The following CWC27 variants were observed in gnomAD, a reference collection of about 807,000 sequenced individuals.
CWC27 encodes the protein CWC27 spliceosome associated cyclophilin, also known as spliceosome-associated protein CWC27 homolog.
A neutral mutation model predicts 63.6 loss-of-function variants in CWC27; 47 were observed. The ratio of observed to expected loss-of-function variants is 0.74; its 90% CI spans 0.58 to 0.94. The LOEUF is 0.94. Among genes scored for constraint, CWC27 ranks in the 40% least tolerant of loss-of-function variants. The pLI, the probability that CWC27 is intolerant of heterozygous loss-of-function variation, is 0.00. For synonymous variants in CWC27, 175 were observed against 179.8 expected (o/e 0.97, Z 0.22); for missense variants, 495 against 554.3 (o/e 0.89, Z 1.07).
chr5:65,003,605 A>T lies in CWC27; in HGVS notation c.1257-14554A>T, dbSNP rs191389262. On this transcript the variant is annotated intron_variant, in intron 13 of 13. Coordinates refer to ENST00000381070, the MANE Select transcript of CWC27 (RefSeq NM_005869.4). ...TTGTGGTCTAGTGGGGAAATCCCTC[A>T]ATTTTTGTTTGTCTGGAAAAGACTT... is the stretch of plus-strand genomic sequence containing the variant. 9.2e-5 allele frequency among the ~76,000 whole-genome samples: 14 copies of T among 152,228 alleles called. No individual in the cohort carries two copies. In the East Asian group the frequency reaches 2.5e-3, roughly 27 times the overall value.
At chr5:65,004,861 C>CATATATATATATATAT (rs1170127729) in intron 13 of CWC27, among the ~76,000 whole-genome samples, 4 of 45,480 alleles carry the variant, frequency 8.8e-5, no homozygotes, top group Non-Finnish European at 1.2e-4. Context: ...AAGACTTTTT[C>CATATATATATATATAT]ATATATATAT....
chr5:64,862,550 C>T (rs1746435517), intron 10 of CWC27, among the ~76,000 whole-genome samples: 1 of 152,074 alleles, frequency 6.6e-6, no homozygotes, highest in South Asian at 2.1e-4. Flanking sequence ...TATAACCATA[C>T]TAAAATTCAT....
At chr5:64,846,966 T>C (rs1580669534) in intron 10 of CWC27, among the ~76,000 whole-genome samples, 1 of 136,588 alleles carries the variant, frequency 7.3e-6, no homozygotes, top group African/African-American at 2.8e-5. Flanking sequence ...TGCACTCCAG[T>C]CTGGGTGACA....
chr5:64,910,713 G>A (rs985516586), intron 11 of CWC27, among the ~76,000 whole-genome samples: 5 of 152,176 alleles, frequency 3.3e-5, no homozygotes, highest in Admixed American at 6.5e-5. Context: ...TCAGACTGCC[G>A]CACTAGCAGT....
At chr5:64,920,836 TTCTC>T (rs1274260515) in intron 11 of CWC27, among the ~76,000 whole-genome samples, 2 of 152,166 alleles carry the variant, frequency 1.3e-5, no homozygotes, top group Admixed American at 1.3e-4. Flanking sequence ...TATTTGGATC[TTCTC>T]TCTTTTTTTT....
At chr5:64,988,186 G>A (rs1749470926) in intron 13 of CWC27, among the ~76,000 whole-genome samples, 1 of 152,044 alleles carries the variant, frequency 6.6e-6, no homozygotes, top group Non-Finnish European at 1.5e-5. Context: ...TTATGTTGAA[G>A]CTTTCTGTCT....
chr5:64,826,126 T>A (rs550017472), intron 10 of CWC27, among the ~76,000 whole-genome samples: 116 of 152,154 alleles, frequency 7.6e-4, no homozygotes, highest in Admixed American at 3.1e-3. Context: ...CATCCATCAA[T>A]TATCTATTTA....
At chr5:64,788,877 C>G in intron 6 of CWC27, 74 bp from the exon 7 acceptor site, 1 of 981,128 alleles carries the variant, frequency 1.0e-6, no homozygotes, top group Non-Finnish European at 1.5e-6. Flanking sequence ...TTCTCTTGCT[C>G]TGAAAATAAG....
intron 10 of CWC27, among the ~76,000 whole-genome samples, chr5:64,847,165 T>C (rs925858762): frequency 1.3e-5 from 2 of 152,102 alleles, no homozygotes; most frequent in Admixed American, 1.3e-4. Context: ...CTTTTAAGGA[T>C]ACACATAGAT....
intron 13 of CWC27, among the ~76,000 whole-genome samples, chr5:64,983,097 G>T (rs1009327548): frequency 7.2e-5 from 11 of 152,082 alleles, no homozygotes; most frequent in African/African-American, 2.7e-4. Context: ...CACAAAACTG[G>T]TTCCTGGTGC....
At chr5:64,848,736 C>T (rs1746052881) in intron 10 of CWC27, among the ~76,000 whole-genome samples, 1 of 152,048 alleles carries the variant, frequency 6.6e-6, no homozygotes, top group African/African-American at 2.4e-5. Context: ...AGTATAAAAA[C>T]CATGTGATCA....
At chr5:64,928,223 G>A (rs965623572) in intron 11 of CWC27, among the ~76,000 whole-genome samples, 4 of 151,024 alleles carry the variant, frequency 2.6e-5, no homozygotes, top group Middle Eastern at 3.2e-3. Context: ...ATTCCCTTAA[G>A]GAACTTGATT....
intron 10 of CWC27, among the ~76,000 whole-genome samples, chr5:64,841,794 G>GA (rs1745850400): frequency 6.6e-6 from 1 of 152,148 alleles, no homozygotes; most frequent in Non-Finnish European, 1.5e-5. Context: ...TCCTGCCTCA[G>GA]CCTCCTGAGT....
intron 7 of CWC27, among the ~76,000 whole-genome samples, chr5:64,799,200 G>T (rs1036026687): frequency 6.6e-6 from 1 of 152,142 alleles, no homozygotes; most frequent in East Asian, 1.9e-4. Flanking sequence ...GTAAAATGGG[G>T]CTAATAATTC....
In CWC27 at chr5:64,769,033, A is replaced by G; in HGVS notation, c.-114A>G. On this transcript the variant is annotated 5_prime_UTR_variant, in exon 1 of 14. Transcript: ENST00000381070. ...GTCTTGCGTGATATTGACAAACTGA[A>G]GCTTTCCTGCACCACTGGACTTAAG... 1 of 854,446 alleles carries G rather than the reference A, an allele frequency of 1.2e-6. No homozygotes were observed. Among genetic ancestry groups the G allele is most frequent in the Non-Finnish European group, 2.0e-6 (1 of 510,448 alleles). The allele number at this position is 854,446 out of a possible 1,614,324, so 52.9% of individuals were successfully genotyped here.
At chr5:65,001,224 A>G (rs1266849608) in intron 13 of CWC27, among the ~76,000 whole-genome samples, 1 of 152,082 alleles carries the variant, frequency 6.6e-6, no homozygotes, top group Non-Finnish European at 1.5e-5. Context: ...TGTTTTGTGG[A>G]GTCTTCAGGT....
intron 4 of CWC27, among the ~76,000 whole-genome samples, chr5:64,784,566 T>A (rs113348487): frequency 7.2e-4 from 110 of 152,298 alleles, no homozygotes; most frequent in African/African-American, 2.6e-3. Flanking sequence ...TTTTAAGTCT[T>A]AGGCATATCG....
chr5:64,796,922 T>C (rs1302618172), intron 7 of CWC27, among the ~76,000 whole-genome samples: 1 of 147,678 alleles, frequency 6.8e-6, no homozygotes, highest in African/African-American at 2.5e-5. Flanking sequence ...CTTTCTTCTC[T>C]TTCTCTCCCT....
At chr5:65,015,473 T>C (rs572177835) in intron 13 of CWC27, among the ~76,000 whole-genome samples, 3 of 152,268 alleles carry the variant, frequency 2.0e-5, no homozygotes, top group African/African-American at 7.2e-5. Flanking sequence ...GGCTTAGACA[T>C]CAACACAGCC....
Sources: allele counts gnomAD v4.1 joint callset (sites outside exome capture counted in the v4.1 genomes callset), GRCh38; gene constraint gnomAD v4.1.1; transcripts MANE v1.5; gene names NCBI Gene and HGNC (gene_info 2026-07-23, HGNC 2026-07-21).